TTC28: variants seen among roughly 807,000 people sequenced by gnomAD.
TTC28 encodes the protein tetratricopeptide repeat protein 28.
A neutral mutation model predicts 198.0 loss-of-function variants in TTC28; 61 were observed. The observed-to-expected ratio is 0.31, with a 90% confidence interval of 0.25 to 0.38. The LOEUF is 0.38. TTC28 is among the 10% of genes least tolerant of loss of function. The pLI is 1.00. For missense variants in TTC28, 2,678 were observed against 3,164.0 expected (o/e 0.85, Z 3.69); for synonymous variants, 1,171 against 1,297.8 (o/e 0.90, Z 2.10).
chr22:28,503,042 A>G (rs575261122), intron 2 of TTC28, among the ~76,000 whole-genome samples: 1 of 152,124 alleles, frequency 6.6e-6, no homozygotes, highest in Non-Finnish European at 1.5e-5. Flanking sequence ...TTTTTCTACT[A>G]AAAAAGAATG....
chr22:28,547,813 A>G (rs2049577251), intron 2 of TTC28, among the ~76,000 whole-genome samples: 1 of 151,518 alleles, frequency 6.6e-6, no homozygotes, highest in South Asian at 2.1e-4. Flanking sequence ...AACTCCCCCT[A>G]GTTAAAAAAA....
chr22:28,134,450 A>G (rs2146970666), intron 6 of TTC28, among the ~76,000 whole-genome samples: 1 of 152,320 alleles, frequency 6.6e-6, no homozygotes, highest in East Asian at 1.9e-4. Context: ...CAAAGAAGCT[A>G]AAAAGTTGAA....
intron 21 of TTC28, among the ~76,000 whole-genome samples, chr22:27,987,757 TG>T (rs1937263762): frequency 6.6e-6 from 1 of 152,072 alleles, no homozygotes; most frequent in Non-Finnish European, 1.5e-5. Context: ...GACTCACTCG[TG>T]GCAGTGCCCC....
chr22:28,584,016 G>GTTTT (rs67108156), intron 2 of TTC28, among the ~76,000 whole-genome samples: 2 of 132,996 alleles, frequency 1.5e-5, no homozygotes, highest in Non-Finnish European at 3.3e-5. Flanking sequence ...GTTTTGTTTT[G>GTTTT]TTTTTTTTTT....
At chr22:28,319,583 G>A (rs34925495) in intron 2 of TTC28, among the ~76,000 whole-genome samples, 7,465 of 152,232 alleles carry the variant, frequency 0.049, 258 homozygotes, top group African/African-American at 0.091. Context: ...ATGAGGACAG[G>A]AGTATATGGA....
intron 6 of TTC28, among the ~76,000 whole-genome samples, chr22:28,124,078 T>C (rs1942856802): frequency 6.6e-6 from 1 of 152,246 alleles, no homozygotes; most frequent in African/African-American, 2.4e-5. Flanking sequence ...CCCTTCATTC[T>C]TACAGTAAGC....
At chr22:28,216,884 G>A (rs1206928683) in intron 5 of TTC28, among the ~76,000 whole-genome samples, 2 of 151,956 alleles carry the variant, frequency 1.3e-5, no homozygotes, top group African/African-American at 2.4e-5. Flanking sequence ...ACCATGCTTG[G>A]CAATTTTTTA....
intron 2 of TTC28, among the ~76,000 whole-genome samples, chr22:28,449,233 A>G (rs1248294035): frequency 6.6e-6 from 1 of 152,220 alleles, no homozygotes; most frequent in African/African-American, 2.4e-5. Context: ...GAGGTGGCAC[A>G]GCATTCTCTC....
intron 5 of TTC28, among the ~76,000 whole-genome samples, chr22:28,213,973 C>T (rs1425527809): frequency 6.6e-6 from 1 of 152,076 alleles, no homozygotes; most frequent in Non-Finnish European, 1.5e-5. Flanking sequence ...AGAAATAATG[C>T]CGCATATCTA....
At chr22:28,133,545 G>C (rs544413963) in intron 6 of TTC28, among the ~76,000 whole-genome samples, 18 of 152,286 alleles carry the variant, frequency 1.2e-4, no homozygotes, top group African/African-American at 4.1e-4. Flanking sequence ...CTTAGCAAAC[G>C]GCACACCAGG....
chr22:28,066,858 T>C (rs79751950), intron 12 of TTC28, among the ~76,000 whole-genome samples: 38 of 152,238 alleles, frequency 2.5e-4, no homozygotes, highest in African/African-American at 9.1e-4. Context: ...TGCTTGATAT[T>C]CTTCCCTGCA....
chr22:28,673,299 A>C (rs900494548), intron 1 of TTC28, among the ~76,000 whole-genome samples: 3 of 152,166 alleles, frequency 2.0e-5, no homozygotes, highest in Non-Finnish European at 4.4e-5. Context: ...GCGTGAACCC[A>C]GAAGGCGGAG....
intron 2 of TTC28, among the ~76,000 whole-genome samples, chr22:28,505,113 C>G (rs1215357852): frequency 6.6e-6 from 1 of 151,688 alleles, no homozygotes; most frequent in African/African-American, 2.4e-5. Context: ...AAAAAGTAGC[C>G]AGGCATGGTG....
intron 1 of TTC28, among the ~76,000 whole-genome samples, chr22:28,637,147 C>T (rs1422896403): frequency 6.6e-6 from 1 of 151,290 alleles, no homozygotes; most frequent in Non-Finnish European, 1.5e-5. Flanking sequence ...TAGCTGGGAC[C>T]ACAGGCACCC....
chr22:28,261,908 C>T (rs1931348255), intron 5 of TTC28, among the ~76,000 whole-genome samples: 1 of 152,038 alleles, frequency 6.6e-6, no homozygotes, highest in Admixed American at 6.6e-5. Flanking sequence ...AGATCTAAGG[C>T]CAGGAAACAC....
intron 6 of TTC28, among the ~76,000 whole-genome samples, chr22:28,141,642 T>G (rs1569159732): frequency 1.3e-5 from 2 of 152,192 alleles, no homozygotes; most frequent in Non-Finnish European, 2.9e-5. Flanking sequence ...TCCTAGAAAC[T>G]GAAGGAACCC....
chr22:28,632,640 G>A (rs1335696388), intron 1 of TTC28, among the ~76,000 whole-genome samples: 1 of 151,732 alleles, frequency 6.6e-6, no homozygotes. Context: ...TCTGCTTAAG[G>A]TCAATAATAC....
rs145416885 is a variant in TTC28, at chr22:28,658,745, C to A, written c.102+20877G>T. 2.9e-3 allele frequency among the ~76,000 whole-genome samples: 448 copies of A among 152,278 alleles called. 1 individual carries two copies. The highest frequency in any genetic ancestry group is 4.9e-3 in the Admixed American group (75 of 15,294). Reference sequence around the variant, plus strand: ...GGCGCAGTGGCTCATGCCTGTAATGCCAGCACTTTGGGAGGCCAAGGCAGG... The same window carrying A: ...GGCGCAGTGGCTCATGCCTGTAATGACAGCACTTTGGGAGGCCAAGGCAGG... On this transcript the variant is annotated intron_variant, in intron 1 of 22. Transcript: ENST00000397906.
At chr22:28,448,242 G>A (rs1339672623) in intron 2 of TTC28, among the ~76,000 whole-genome samples, 1 of 152,112 alleles carries the variant, frequency 6.6e-6, no homozygotes, top group East Asian at 1.9e-4. Flanking sequence ...CTGAAGAACA[G>A]TCAATTAAAA....
Sources: allele counts gnomAD v4.1 joint callset (sites outside exome capture counted in the v4.1 genomes callset), GRCh38; gene constraint gnomAD v4.1.1; transcripts MANE v1.5; gene names NCBI Gene and HGNC (gene_info 2026-07-23, HGNC 2026-07-21).